Variants in NMNAT1 observed in about 807,000 individuals in gnomAD.
NMNAT1 encodes nicotinamide nucleotide adenylyltransferase 1.
NMNAT1 carries 11 observed loss-of-function variants against 16.7 expected under a neutral mutation model. The observed-to-expected ratio is 0.66, with a 90% confidence interval of 0.41 to 1.09. NMNAT1 has a LOEUF of 1.09. NMNAT1 is among the 50% of genes least tolerant of loss of function. The pLI is 0.00. For synonymous variants in NMNAT1, 110 were observed against 119.8 expected, an observed-to-expected ratio of 0.92 and a Z score of 0.53; for missense variants, 280 against 332.3, an observed-to-expected ratio of 0.84 and a Z score of 1.22.
chr1:9,993,790 G>A, the NMNAT1 span, among the ~76,000 whole-genome samples: 1 of 152,144 alleles, frequency 6.6e-6, no homozygotes, highest in Non-Finnish European at 1.5e-5. Flanking sequence ...GGGCCTAATG[G>A]AATGTATGGA....
chr1:9,992,140 T>G, the NMNAT1 span, among the ~76,000 whole-genome samples: 1 of 149,166 alleles, frequency 6.7e-6, no homozygotes, highest in Non-Finnish European at 1.5e-5. Flanking sequence ...TGGAGTGCAA[T>G]GGTTCCATCA....
the NMNAT1 span, among the ~76,000 whole-genome samples, chr1:9,991,761 G>A: frequency 9.2e-5 from 14 of 152,220 alleles, no homozygotes; most frequent in Admixed American, 6.5e-4. Flanking sequence ...GATAAAGGAC[G>A]TAAGCAGAGA....
At chr1:9,995,960 C>T in the NMNAT1 span, among the ~76,000 whole-genome samples, 5 of 151,756 alleles carry the variant, frequency 3.3e-5, no homozygotes, top group South Asian at 2.1e-4. Flanking sequence ...ACCTGGGAGG[C>T]GGAGGTTGCA....
downstream of NMNAT1, among the ~76,000 whole-genome samples, chr1:9,989,214 T>A (rs951262494): frequency 3.3e-5 from 5 of 151,962 alleles, no homozygotes; most frequent in African/African-American, 1.2e-4. Context: ...CCCTAGCACT[T>A]TTGGAGGCCA....
intron 1 of NMNAT1, among the ~76,000 whole-genome samples, chr1:9,966,776 T>C (rs905398298): frequency 1.3e-5 from 2 of 152,146 alleles, no homozygotes. Context: ...TCCAGAGTAC[T>C]AGGGATAAGA....
At chr1:9,972,285 C>G (rs1376610803) in intron 2 of NMNAT1, 97 bp downstream of exon 2, 7 of 705,230 alleles carry the variant, frequency 9.9e-6, no homozygotes, top group African/African-American at 1.8e-5. Flanking sequence ...CTGAGACGGG[C>G]AGATCACAAG....
At chr1:9,950,145 C>T (rs1431788275) in intron 1 of NMNAT1, among the ~76,000 whole-genome samples, 1 of 152,122 alleles carries the variant, frequency 6.6e-6, no homozygotes, top group African/African-American at 2.4e-5. Context: ...GGCTGGAGGG[C>T]AGTGACGCAA....
chr1:9,983,536 G>T lies in NMNAT1; in HGVS notation c.*835G>T, dbSNP rs912060155. The T allele has an allele frequency of 7.0e-6, 1 of 142,426 alleles. No homozygotes were observed. Among genetic ancestry groups the T allele is most frequent in the Non-Finnish European group, 1.5e-5 (1 of 65,428 alleles). 8.8% of individuals were successfully genotyped at this position (142,426 alleles called of 1,614,324 possible). ...CTGAGCATGGTGGTGGGCTCCTGTA[G>T]TCCCAGCTACTTGGGAGGCTGAGGC... On this transcript the variant is annotated 3_prime_UTR_variant, in exon 5 of 5. Coordinates refer to ENST00000377205, the MANE Select transcript of NMNAT1 (RefSeq NM_022787.4).
chr1:9,986,514 T>C (rs1642047478), downstream of NMNAT1, among the ~76,000 whole-genome samples: 1 of 151,954 alleles, frequency 6.6e-6, no homozygotes, highest in South Asian at 2.1e-4. Context: ...GAAGGATTGC[T>C]TGAGCCCAGG....
intron 1 of NMNAT1, among the ~76,000 whole-genome samples, chr1:9,962,710 C>G (rs1331248293): frequency 1.0e-5 from 1 of 99,808 alleles, no homozygotes; most frequent in Non-Finnish European, 1.8e-5. Context: ...GAGACGGAGT[C>G]TTGCTCTGTA....
intron 1 of NMNAT1, among the ~76,000 whole-genome samples, chr1:9,949,081 C>G (rs1291276721): frequency 1.1e-4 from 16 of 151,114 alleles, no homozygotes; most frequent in Non-Finnish European, 1.5e-5. Context: ...AGCAGCCTGA[C>G]CAACATAGTG....
chr1:9,977,436 T>G (rs991642235), intron 3 of NMNAT1, among the ~76,000 whole-genome samples: 11 of 152,116 alleles, frequency 7.2e-5, no homozygotes, highest in African/African-American at 2.7e-4. Context: ...TGAAAAGCCT[T>G]TCTGTTTAGT....
At chr1:9,950,066 G>A (rs1641072544) in intron 1 of NMNAT1, 1 of 152,062 alleles carries the variant, frequency 6.6e-6, no homozygotes. Flanking sequence ...TTGTCAGTGA[G>A]TGCTCATTAA....
chr1:9,967,645 C>G (rs1045134120), intron 1 of NMNAT1, among the ~76,000 whole-genome samples: 3 of 151,814 alleles, frequency 2.0e-5, no homozygotes, highest in Non-Finnish European at 4.4e-5. Flanking sequence ...TAAATTAAAC[C>G]ATTTGAAATT....
chr1:9,992,185 C>A, the NMNAT1 span, among the ~76,000 whole-genome samples: 2 of 150,832 alleles, frequency 1.3e-5, no homozygotes, highest in East Asian at 2.0e-4. Flanking sequence ...CAGGTTCAAG[C>A]GATCGTCCCA....
chr1:9,991,242 A>G, the NMNAT1 span, among the ~76,000 whole-genome samples: 5 of 148,800 alleles, frequency 3.4e-5, no homozygotes, highest in African/African-American at 1.2e-4. Flanking sequence ...CTGGAGTGCA[A>G]TGGTGCAATC....
At chr1:9,954,622 C>G (rs1641207700) in intron 1 of NMNAT1, among the ~76,000 whole-genome samples, 1 of 152,068 alleles carries the variant, frequency 6.6e-6, no homozygotes, top group Admixed American at 6.6e-5. Context: ...TATTATAACA[C>G]TAAAGAATTT....
intron 2 of NMNAT1, among the ~76,000 whole-genome samples, chr1:9,973,006 A>G (rs1236131763): frequency 1.3e-5 from 2 of 152,212 alleles, no homozygotes; most frequent in Non-Finnish European, 2.9e-5. Flanking sequence ...CCTGTGCTTA[A>G]TCTTCTTTAG....
intron 3 of NMNAT1, among the ~76,000 whole-genome samples, chr1:9,977,572 T>C (rs1641842068): frequency 6.6e-6 from 1 of 152,096 alleles, no homozygotes. Flanking sequence ...CAAAAAGTAC[T>C]TAAAAGAGCT....
Sources: allele counts gnomAD v4.1 joint callset (sites outside exome capture counted in the v4.1 genomes callset), GRCh38; gene constraint gnomAD v4.1.1; transcripts MANE v1.5; gene names NCBI Gene and HGNC (gene_info 2026-07-23, HGNC 2026-07-21).